The following MGAT5 variants were observed in gnomAD, a reference collection of about 807,000 sequenced individuals.
The protein encoded by MGAT5 is alpha-1,6-mannosylglycoprotein 6-beta-N-acetylglucosaminyltransferase.
MGAT5 carries 30 observed loss-of-function variants against 94.3 expected under a neutral mutation model. That is an observed-to-expected ratio of 0.32 (90% CI 0.24 to 0.43). MGAT5 has a LOEUF of 0.43. MGAT5 is among the 20% of genes least tolerant of loss of function. The pLI is 1.00. For missense variants in MGAT5, 691 were observed against 905.5 expected (o/e 0.76, Z 3.04); for synonymous variants, 310 against 322.9 (o/e 0.96, Z 0.43).
intron 1 of MGAT5, among the ~76,000 whole-genome samples, chr2:134,122,883 G>T (rs1006345725): frequency 3.3e-5 from 5 of 152,254 alleles, no homozygotes; most frequent in African/African-American, 1.2e-4. Flanking sequence ...GGTGGCAACC[G>T]TATGCTCCAA....
At chr2:134,172,626 T>G (rs1248846083) in intron 1 of MGAT5, among the ~76,000 whole-genome samples, 1 of 152,170 alleles carries the variant, frequency 6.6e-6, no homozygotes, top group Non-Finnish European at 1.5e-5. Flanking sequence ...GACCTCGTGA[T>G]TCTCCCGCCT....
intron 1 of MGAT5, among the ~76,000 whole-genome samples, chr2:134,164,028 C>A (rs1445953805): frequency 2.0e-5 from 3 of 152,024 alleles, no homozygotes; most frequent in African/African-American, 7.2e-5. Flanking sequence ...AGGGAACCTG[C>A]AGGTGGTAAC....
chr2:134,308,018 T>C (rs1686431534), intron 2 of MGAT5, among the ~76,000 whole-genome samples: 1 of 152,178 alleles, frequency 6.6e-6, no homozygotes, highest in East Asian at 1.9e-4. Flanking sequence ...AATGGCTAAC[T>C]TGTGACCTTA....
At position 134,154,596 on chromosome 2, in the gene MGAT5, A is replaced by G. The variant is rs536522055; in HGVS notation, c.-143+34305A>G. ...CTGTGTAAGCTGGTGGTAAGCCTCC[A>G]TTATCTACCCCACAACACTCTTTTT... is the stretch of plus-strand genomic sequence containing the variant. On this transcript the variant is annotated intron_variant, in intron 1 of 16. Transcript: ENST00000409645. Among the ~76,000 whole-genome samples, 23 of 152,214 alleles carry G rather than the reference A, an allele frequency of 1.5e-4. 1 individual carries two copies. The highest frequency in any genetic ancestry group is 5.5e-4 in the African/African-American group (23 of 41,530).
intron 1 of MGAT5, among the ~76,000 whole-genome samples, chr2:134,178,301 G>C (rs1001628049): frequency 6.6e-6 from 1 of 152,206 alleles, no homozygotes; most frequent in Non-Finnish European, 1.5e-5. Context: ...GGTGATGAAA[G>C]AGGAGAGTTA....
At chr2:134,152,899 C>CTTTT (rs35135371) in intron 1 of MGAT5, among the ~76,000 whole-genome samples, 51 of 117,272 alleles carry the variant, frequency 4.3e-4, no homozygotes, top group African/African-American at 8.4e-4. Flanking sequence ...ATGGAGTCCA[C>CTTTT]TTTTTTTTTT....
chr2:134,329,556 C>T (rs1374104539), intron 4 of MGAT5, among the ~76,000 whole-genome samples: 1 of 151,992 alleles, frequency 6.6e-6, no homozygotes, highest in Non-Finnish European at 1.5e-5. Context: ...AAAAGTTTAG[C>T]CAATGTGCTT....
intron 12 of MGAT5, among the ~76,000 whole-genome samples, chr2:134,419,608 G>A (rs1252805783): frequency 6.6e-6 from 1 of 150,560 alleles, no homozygotes; most frequent in Non-Finnish European, 1.5e-5. Flanking sequence ...TTTATTGATT[G>A]ATATACAATG....
intron 1 of MGAT5, among the ~76,000 whole-genome samples, chr2:134,205,642 G>A (rs1468704849): frequency 6.6e-6 from 1 of 152,190 alleles, no homozygotes; most frequent in African/African-American, 2.4e-5. Context: ...TGGATGTTTG[G>A]ATCTGGACCT....
At chr2:134,255,699 C>T (rs553781995) in intron 1 of MGAT5, among the ~76,000 whole-genome samples, 3 of 151,932 alleles carry the variant, frequency 2.0e-5, no homozygotes, top group South Asian at 4.2e-4. Flanking sequence ...GAAGTGGTCT[C>T]CCTGATAGTA....
At chr2:134,141,608 A>G (rs1419631528) in intron 1 of MGAT5, among the ~76,000 whole-genome samples, 1 of 152,198 alleles carries the variant, frequency 6.6e-6, no homozygotes, top group Non-Finnish European at 1.5e-5. Context: ...ACTCACACTA[A>G]TGTCAGTGAG....
rs59821586 is a variant in MGAT5 at position 134,381,536 on chromosome 2, C to CAGACAGATAGAT, written c.1380+19131_1380+19132insCAGATAGATAGA. The stretch of plus-strand genomic sequence containing the variant: ...CCAGACAGACAGACAGACAGACAGA[C>CAGACAGATAGAT]AGATAGATAGATAGATAGATAGCAC... On this transcript the variant is annotated intron_variant, in intron 10 of 15. Coordinates refer to ENST00000281923, the MANE Select transcript of MGAT5 (RefSeq NM_002410.5). Among the ~76,000 whole-genome samples, 758 of 146,934 alleles carry CAGACAGATAGAT rather than the reference C, an allele frequency of 5.2e-3. 6 individuals carry two copies. Among genetic ancestry groups the CAGACAGATAGAT allele is most frequent in the Admixed American group, 0.013 (184 of 14,574 alleles).
intron 15 of MGAT5, among the ~76,000 whole-genome samples, chr2:134,448,047 A>G (rs1411653033): frequency 6.6e-6 from 1 of 152,274 alleles, no homozygotes; most frequent in Non-Finnish European, 1.5e-5. Context: ...AGGCCATATA[A>G]CAGGAATTCT....
At chr2:134,351,315 T>G (rs1679367309) in intron 9 of MGAT5, among the ~76,000 whole-genome samples, 1 of 152,096 alleles carries the variant, frequency 6.6e-6, no homozygotes, top group African/African-American at 2.4e-5. Flanking sequence ...TGTGTAACTT[T>G]GAGGGATGGG....
chr2:134,245,233 C>T (rs1013583264), intron 1 of MGAT5, among the ~76,000 whole-genome samples: 5 of 152,156 alleles, frequency 3.3e-5, no homozygotes, highest in Non-Finnish European at 5.9e-5. Flanking sequence ...AGGATGGTCT[C>T]GACCTCCCAA....
intron 1 of MGAT5, among the ~76,000 whole-genome samples, chr2:134,124,130 T>G (rs75801228): frequency 0.032 from 4,846 of 152,276 alleles, 547 homozygotes; most frequent in East Asian, 0.29. Context: ...TATAAAGATG[T>G]CCTCCTAAAT....
chr2:134,191,976 G>A (rs12614302), intron 1 of MGAT5, among the ~76,000 whole-genome samples: 16,019 of 148,746 alleles, frequency 0.11, 833 homozygotes, highest in Middle Eastern at 0.15. Context: ...GCGCCAGCGG[G>A]TTCCTGATGG....
rs533621450 is a variant in MGAT5 at position 134,168,585 on chromosome 2, C to T, written c.-143+48294C>T. Among the ~76,000 whole-genome samples, 8 of 152,252 alleles carry T rather than the reference C, an allele frequency of 5.3e-5. No individual in the cohort carries two copies. In the East Asian group the frequency reaches 7.7e-4, roughly 15 times the overall value. ...GCTCTGCCCATGTGGATGAAAGCCA[C>T]GTGAAGCTAGTATTGTAATTGTAGG... is the stretch of plus-strand genomic sequence containing the variant. On this transcript the variant is annotated intron_variant, in intron 1 of 16. Coordinates refer to the MGAT5 transcript ENST00000409645.
chr2:134,292,897 A>G (rs528819029), intron 2 of MGAT5, among the ~76,000 whole-genome samples: 21 of 152,304 alleles, frequency 1.4e-4, no homozygotes, highest in African/African-American at 4.8e-4. Flanking sequence ...TACCTGTGAT[A>G]AGAATAAGCA....
Sources: allele counts gnomAD v4.1 joint callset (sites outside exome capture counted in the v4.1 genomes callset), GRCh38; gene constraint gnomAD v4.1.1; transcripts MANE v1.5; gene names NCBI Gene and HGNC (gene_info 2026-07-23, HGNC 2026-07-21).